Variants in XIRP2 observed in about 807,000 individuals in gnomAD.
XIRP2 encodes the protein xin actin binding repeat containing 2.
A neutral mutation model predicts 277.0 loss-of-function variants in XIRP2; 236 were observed. That is an observed-to-expected ratio of 0.85 (90% confidence interval 0.77 to 0.95). The LOEUF is 0.95. Ranked by LOEUF, XIRP2 falls within the 40% of genes least tolerant of loss-of-function variation. The pLI is 0.00. For synonymous variants in XIRP2, 1,490 were observed against 1,416.5 expected, an observed-to-expected ratio of 1.05 and a Z score of -1.17; for missense variants, 4,640 against 4,157.5, an observed-to-expected ratio of 1.12 and a Z score of -3.19.
At chr2:167,131,295 C>G (rs538806481) in intron 2 of XIRP2, among the ~76,000 whole-genome samples, 1 of 152,264 alleles carries the variant, frequency 6.6e-6, no homozygotes, top group East Asian at 1.9e-4. Context: ...TGTTATTGCT[C>G]TCTTCTATAT....
intron 2 of XIRP2, among the ~76,000 whole-genome samples, chr2:166,961,085 T>C (rs539545470): frequency 1.4e-4 from 22 of 151,906 alleles, no homozygotes; most frequent in African/African-American, 5.3e-4. Flanking sequence ...CTGGGCTGTA[T>C]ACCACAGATT....
chr2:167,198,148 A>G (rs1479905188), intron 3 of XIRP2, among the ~76,000 whole-genome samples: 1 of 152,200 alleles, frequency 6.6e-6, no homozygotes, highest in Non-Finnish European at 1.5e-5. Context: ...ATCATAAGCA[A>G]GGAAGACTAT....
chr2:167,248,106 C>A lies in XIRP2; in HGVS notation c.6714C>A (p.Thr2238=). 1.2e-6 allele frequency: 2 copies of A among 1,612,662 alleles called. No homozygotes were observed. The highest frequency in any genetic ancestry group is 1.7e-6 in the Non-Finnish European group (2 of 1,179,566). Residue 2238 remains threonine (T), a synonymous_variant, in exon 9 of 11, where the codon ACC becomes ACA. Transcript: ENST00000409195. ...SEKSHNTFKA[T]NKKRETDVHL... ...AAAGTCACAATACATTTAAGGCAAC[C>A]AACAAAAAGCGGGAGACTGATGTTC...
chr2:167,250,999 AC>A lies in XIRP2; in HGVS notation c.9611del (p.Pro3204ArgfsTer5). 1 of 1,613,566 alleles carries A rather than the reference AC, an allele frequency of 6.2e-7. No individual in the cohort carries two copies. Among genetic ancestry groups the A allele is most frequent in the South Asian group, 1.1e-5 (1 of 91,060 alleles). ...AGGGGCCATCCCATGTCCAGCAGCA[AC>A]CCCGGTTCCAATTGTAGAGAAGAGG... ...SKGAIPCPAA[T>X]PVPIVEKRSE... On this transcript the variant is annotated frameshift_variant, in exon 9 of 11. Coordinates refer to ENST00000409195, the MANE Select transcript of XIRP2 (RefSeq NM_152381.6). LOFTEE classifies it high-confidence loss of function.
intron 2 of XIRP2, among the ~76,000 whole-genome samples, chr2:167,051,583 G>A (rs1264274164): frequency 2.0e-5 from 3 of 152,056 alleles, no homozygotes; most frequent in South Asian, 4.1e-4. Flanking sequence ...TTCACTCAAT[G>A]TTTTTGAAAT....
chr2:167,162,302 A>G (rs1254135534), intron 3 of XIRP2, among the ~76,000 whole-genome samples: 1 of 152,122 alleles, frequency 6.6e-6, no homozygotes, highest in Non-Finnish European at 1.5e-5. Flanking sequence ...ACTGGTACCA[A>G]TTTGCTGTAT....
intron 2 of XIRP2, among the ~76,000 whole-genome samples, chr2:166,969,906 G>A (rs1402343129): frequency 1.3e-5 from 2 of 151,758 alleles, no homozygotes; most frequent in Non-Finnish European, 2.9e-5. Flanking sequence ...TACACATTTA[G>A]GACAGCAACT....
chr2:167,189,890 C>A (rs555412489), intron 3 of XIRP2, among the ~76,000 whole-genome samples: 76 of 152,280 alleles, frequency 5.0e-4, no homozygotes, highest in Non-Finnish European at 1.0e-3. Context: ...CACAAGACAG[C>A]CACTAATGGA....
chr2:167,033,999 T>G (rs1443556522), intron 2 of XIRP2, among the ~76,000 whole-genome samples: 1 of 152,142 alleles, frequency 6.6e-6, no homozygotes, highest in South Asian at 2.1e-4. Flanking sequence ...AGTGTAATTG[T>G]GTTATATAAA....
chr2:166,892,319 T>C (rs1193108590), intron 1 of XIRP2, among the ~76,000 whole-genome samples: 1 of 152,156 alleles, frequency 6.6e-6, no homozygotes, highest in African/African-American at 2.4e-5. Context: ...GAAAATGCTG[T>C]GATCTCCAAA....
chr2:166,938,338 TC>T (rs1685581028), intron 2 of XIRP2, among the ~76,000 whole-genome samples: 1 of 152,234 alleles, frequency 6.6e-6, no homozygotes, highest in Non-Finnish European at 1.5e-5. Flanking sequence ...ATTTCTGCCT[TC>T]ATTTCGTTAT....
At chr2:167,049,535 G>T (rs1195445086) in intron 2 of XIRP2, among the ~76,000 whole-genome samples, 1 of 150,830 alleles carries the variant, frequency 6.6e-6, no homozygotes, top group Admixed American at 6.6e-5. Context: ...ATTAAGAAAA[G>T]CATACATTAA....
rs1442885175 is a variant in XIRP2, at chr2:166,911,795, G to T, written c.408+7905G>T. On this transcript the variant is annotated intron_variant, in intron 2 of 10. Coordinates refer to ENST00000409195, the MANE Select transcript of XIRP2 (RefSeq NM_152381.6). Reference sequence around the variant, plus strand: ...GTGCTTCCTTCAGGAGCTCTTTTAGGGCAGGCCTGGTGGTGACAAAATCTC... The same window carrying T: ...GTGCTTCCTTCAGGAGCTCTTTTAGTGCAGGCCTGGTGGTGACAAAATCTC... 3.3e-5 allele frequency among the ~76,000 whole-genome samples: 5 copies of T among 152,080 alleles called. No individual in the cohort carries two copies. The East Asian group carries it at 9.6e-4, about 29-fold the overall frequency.
chr2:166,972,018 C>G (rs1304307748), intron 2 of XIRP2, among the ~76,000 whole-genome samples: 1 of 152,042 alleles, frequency 6.6e-6, no homozygotes, highest in Non-Finnish European at 1.5e-5. Context: ...AGGTCCTAAT[C>G]CCCAAAATGA....
chr2:167,236,031 C>T (rs1298785889), intron 5 of XIRP2, among the ~76,000 whole-genome samples: 1 of 151,776 alleles, frequency 6.6e-6, no homozygotes, highest in Non-Finnish European at 1.5e-5. Flanking sequence ...GTCTGTTTGA[C>T]AAAGATGTAA....
chr2:167,015,743 C>G (rs1687807912), intron 2 of XIRP2, among the ~76,000 whole-genome samples: 1 of 151,682 alleles, frequency 6.6e-6, no homozygotes, highest in Admixed American at 6.6e-5. Flanking sequence ...GGTTAAGTAC[C>G]CTGGAGAAGG....
chr2:167,164,310 T>G (rs942641411), intron 3 of XIRP2, among the ~76,000 whole-genome samples: 3 of 151,046 alleles, frequency 2.0e-5, no homozygotes, highest in Admixed American at 6.6e-5. Flanking sequence ...GCCGGGCGTG[T>G]TAGCCGGCGC....
At chr2:167,207,108 C>T (rs375542681) in intron 3 of XIRP2, among the ~76,000 whole-genome samples, 2 of 151,986 alleles carry the variant, frequency 1.3e-5, no homozygotes, top group African/African-American at 2.4e-5. Flanking sequence ...ATATTTATAA[C>T]TTATTTCAGA....
Position 167,248,392 on chromosome 2 carries a change from A to G in XIRP2, c.7000A>G (p.Ile2334Val), listed in dbSNP as rs1442715492. 1.9e-6 allele frequency: 3 copies of G among 1,613,630 alleles called. No homozygotes were observed. Among genetic ancestry groups the G allele is most frequent in the Non-Finnish European group, 1.7e-6 (2 of 1,179,850 alleles). Residue 2334 changes from isoleucine to valine, a missense_variant, in exon 9 of 11, where the codon ATA becomes GTA. Physicochemically the swap from Ile to Val is conservative, Grantham distance 29. Transcript: ENST00000409195. The part of the protein sequence containing the change: ...GFLPSLSTEK[I>V]KAEFESFPGL... The stretch of plus-strand genomic sequence containing the variant: ...TCTTCCCTCACTGTCCACAGAGAAG[A>G]TAAAGGCTGAATTTGAAAGTTTTCC...
Sources: allele counts gnomAD v4.1 joint callset (sites outside exome capture counted in the v4.1 genomes callset), GRCh38; gene constraint gnomAD v4.1.1; transcripts MANE v1.5; gene names NCBI Gene and HGNC (gene_info 2026-07-23, HGNC 2026-07-21).